CSMD1: variants seen among roughly 807,000 people sequenced by gnomAD.
CSMD1 encodes the protein CUB and Sushi multiple domains 1.
Under a neutral mutation model 417.5 loss-of-function variants are expected in CSMD1, and 213 were observed. The observed-to-expected ratio is 0.51, with a 90% CI of 0.46 to 0.57. The LOEUF (loss-of-function observed/expected upper bound fraction) is 0.57. Among genes scored for constraint, CSMD1 ranks in the 20% least tolerant of loss-of-function variants. The pLI is 0.00. For synonymous variants in CSMD1, 2,862 were observed against 1,736.8 expected, an observed-to-expected ratio of 1.65 and a Z score of -16.11; for missense variants, 6,923 against 4,529.7, an observed-to-expected ratio of 1.53 and a Z score of -15.17.
rs570519148 is a variant in CSMD1, at chr8:4,600,550, T to C, written c.302+36792A>G. Among the ~76,000 whole-genome samples, 5 of 152,360 alleles carry C rather than the reference T, an allele frequency of 3.3e-5. No homozygotes were observed. In the South Asian group the frequency reaches 1.0e-3, roughly 32 times the overall value. Reference sequence around the variant, plus strand: ...AATTATAAATGAACACAGTTGATTATAACTATTTCCTGATGTGCTCTCCAT... The same window carrying C: ...AATTATAAATGAACACAGTTGATTACAACTATTTCCTGATGTGCTCTCCAT... On this transcript the variant is annotated intron_variant, in intron 2 of 69. Coordinates refer to ENST00000635120, the MANE Select transcript of CSMD1 (RefSeq NM_033225.6).
At chr8:4,751,026 A>G (rs1475071357) in intron 1 of CSMD1, among the ~76,000 whole-genome samples, 2 of 152,200 alleles carry the variant, frequency 1.3e-5, no homozygotes, top group Non-Finnish European at 2.9e-5. Context: ...ATTTGCTAAG[A>G]TTATCAAATC....
At chr8:3,556,424 CAAAG>C (rs1207999435) in intron 10 of CSMD1, among the ~76,000 whole-genome samples, 1 of 84,728 alleles carries the variant, frequency 1.2e-5, no homozygotes, top group African/African-American at 4.2e-5. Context: ...TTCACACACA[CAAAG>C]AATTTATGAG....
chr8:4,610,572 T>A (rs1484894861), intron 2 of CSMD1, among the ~76,000 whole-genome samples: 1 of 152,184 alleles, frequency 6.6e-6, no homozygotes, highest in Non-Finnish European at 1.5e-5. Context: ...GTCATACATA[T>A]CCTTCCTCCC....
At chr8:3,409,187 G>A (rs529961102) in intron 13 of CSMD1, among the ~76,000 whole-genome samples, 3 of 152,184 alleles carry the variant, frequency 2.0e-5, no homozygotes, top group Non-Finnish European at 4.4e-5. Flanking sequence ...GGTAGGAAAC[G>A]TTCAAGTACA....
chr8:4,933,597 C>A (rs13250638), intron 1 of CSMD1, among the ~76,000 whole-genome samples: 46,906 of 151,888 alleles, frequency 0.31, 8,165 homozygotes, highest in Non-Finnish European at 0.4. Flanking sequence ...ACAAGCCTCT[C>A]CGGCACCAAG....
intron 6 of CSMD1, among the ~76,000 whole-genome samples, chr8:3,713,572 A>C (rs1801650814): frequency 6.6e-6 from 1 of 152,168 alleles, no homozygotes; most frequent in African/African-American, 2.4e-5. Context: ...GACCTCTCTT[A>C]GGAAACCAAG....
intron 3 of CSMD1, among the ~76,000 whole-genome samples, chr8:4,356,095 C>T (rs1269754930): frequency 2.0e-5 from 3 of 152,130 alleles, no homozygotes; most frequent in Non-Finnish European, 4.4e-5. Context: ...TGTCTTTTAT[C>T]CCTCACACAC....
intron 8 of CSMD1, among the ~76,000 whole-genome samples, chr8:3,594,295 T>A (rs1014026009): frequency 6.6e-6 from 1 of 152,216 alleles, no homozygotes; most frequent in African/African-American, 2.4e-5. Flanking sequence ...ATATTAAATC[T>A]AAATTGCTAT....
At chr8:4,686,640 G>A (rs1436016274) in intron 1 of CSMD1, among the ~76,000 whole-genome samples, 1 of 152,210 alleles carries the variant, frequency 6.6e-6, no homozygotes, top group Non-Finnish European at 1.5e-5. Flanking sequence ...AGCCATAAGT[G>A]AAATATACAA....
At chr8:4,708,438 C>T (rs758585381) in intron 1 of CSMD1, among the ~76,000 whole-genome samples, 30 of 152,120 alleles carry the variant, frequency 2.0e-4, no homozygotes, top group Non-Finnish European at 3.5e-4. Flanking sequence ...AATAGTTTCA[C>T]TAAAGAAACA....
intron 2 of CSMD1, among the ~76,000 whole-genome samples, chr8:4,604,707 T>C (rs191115068): frequency 2.6e-5 from 4 of 152,314 alleles, no homozygotes; most frequent in Admixed American, 2.6e-4. Context: ...GGAATGATGA[T>C]GATACATGGG....
chr8:4,357,547 T>C (rs1012277802), intron 3 of CSMD1, among the ~76,000 whole-genome samples: 1 of 152,018 alleles, frequency 6.6e-6, no homozygotes, highest in Non-Finnish European at 1.5e-5. Flanking sequence ...AAATGCACAG[T>C]TGGAAAAAAA....
chr8:4,409,351 C>T (rs78969005), intron 3 of CSMD1, among the ~76,000 whole-genome samples: 51 of 152,216 alleles, frequency 3.4e-4, no homozygotes, highest in African/African-American at 1.2e-3. Context: ...CTCACATCTT[C>T]TCCTCGAATT....
intron 18 of CSMD1, among the ~76,000 whole-genome samples, chr8:3,369,649 C>A (rs17065979): frequency 0.23 from 34,930 of 152,100 alleles, 4,079 homozygotes; most frequent in African/African-American, 0.27. Flanking sequence ...GAATTGCAGA[C>A]ATGGTACAGG....
At chr8:3,402,490 G>C (rs989030705) in intron 15 of CSMD1, among the ~76,000 whole-genome samples, 1 of 152,108 alleles carries the variant, frequency 6.6e-6, no homozygotes, top group African/African-American at 2.4e-5. Context: ...AGAAGCAGAA[G>C]AAAGAGAGAA....
At chr8:3,111,965 T>G (rs1816546835) in intron 42 of CSMD1, among the ~76,000 whole-genome samples, 1 of 152,098 alleles carries the variant, frequency 6.6e-6, no homozygotes, top group South Asian at 2.1e-4. Flanking sequence ...TCTATTTTTC[T>G]GCCAAGGCAA....
chr8:3,072,608 G>C (rs900488065), intron 49 of CSMD1, among the ~76,000 whole-genome samples: 2 of 152,132 alleles, frequency 1.3e-5, no homozygotes, highest in African/African-American at 4.8e-5. Context: ...AGAGCTGTTG[G>C]AACACCCTCA....
intron 3 of CSMD1, among the ~76,000 whole-genome samples, chr8:4,244,066 G>A (rs1393444252): frequency 6.6e-6 from 1 of 152,206 alleles, no homozygotes; most frequent in Non-Finnish European, 1.5e-5. Context: ...AGTGCAGGTA[G>A]TCCTGTTGTG....
chr8:3,552,715 A>C (rs1197264671), intron 10 of CSMD1, among the ~76,000 whole-genome samples: 1 of 152,212 alleles, frequency 6.6e-6, no homozygotes, highest in Non-Finnish European at 1.5e-5. Context: ...TAGACTACGA[A>C]ATTATCTACG....
Sources: gnomAD v4.1 joint callset for allele counts (sites outside exome capture counted in the v4.1 genomes callset) on GRCh38, gnomAD v4.1.1 for gene constraint, MANE v1.5 for transcripts, NCBI Gene and HGNC (gene_info 2026-07-23, HGNC 2026-07-21) for gene names.